SRR: variants seen among roughly 807,000 people sequenced by gnomAD.
SRR encodes serine racemase, also known as D-serine ammonia-lyase.
A neutral mutation model predicts 32.7 loss-of-function variants in SRR; 19 were observed. The ratio of observed to expected loss-of-function variants is 0.58; its 90% confidence interval spans 0.40 to 0.85. The LOEUF is 0.85. SRR is among the 40% of genes least tolerant of loss of function. SRR has a pLI of 0.00. For synonymous variants in SRR, 142 were observed against 140.9 expected, an observed-to-expected ratio of 1.01 and a Z score of -0.06; for missense variants, 373 against 404.7, an observed-to-expected ratio of 0.92 and a Z score of 0.67.
chr17:2,304,760 C>CAA (rs986410655), intron 1 of SRR, among the ~76,000 whole-genome samples: 10 of 120,634 alleles, frequency 8.3e-5, no homozygotes, highest in East Asian at 7.0e-4. Context: ...GACTCCGCCT[C>CAA]AAAAAAAAAA....
At chr17:2,308,297 G>A (rs2075408112) in intron 1 of SRR, among the ~76,000 whole-genome samples, 1 of 152,016 alleles carries the variant, frequency 6.6e-6, no homozygotes, top group Non-Finnish European at 1.5e-5. Flanking sequence ...AAATGGCAGA[G>A]TAAACAATCA....
At chr17:2,316,454 T>C (rs950916389) in intron 2 of SRR, among the ~76,000 whole-genome samples, 1 of 152,162 alleles carries the variant, frequency 6.6e-6, no homozygotes, top group African/African-American at 2.4e-5. Context: ...TGCAGGCAAA[T>C]TGGAAAGTGT....
Position 2,324,901 on chromosome 17 carries a change from T to G in SRR, c.*1028T>G. Reference sequence around the variant, plus strand: ...GTCTTCATTTATTGCCCAGTCCATTTAAAGACCCATGCAAGAGCCTGGTTT... The same window carrying G: ...GTCTTCATTTATTGCCCAGTCCATTGAAAGACCCATGCAAGAGCCTGGTTT... On this transcript the variant is annotated 3_prime_UTR_variant, in exon 8 of 8. Coordinates refer to ENST00000344595, the MANE Select transcript of SRR (RefSeq NM_021947.3). 6.6e-7 allele frequency: 1 copy of G among 1,518,084 alleles called. No homozygotes were observed. Among genetic ancestry groups the G allele is most frequent in the Non-Finnish European group, 8.8e-7 (1 of 1,138,228 alleles). The allele number at this position is 1,518,084 out of a possible 1,614,324, so 94.0% of individuals were successfully genotyped here.
chr17:2,312,103 G>A (rs879851286), intron 1 of SRR, among the ~76,000 whole-genome samples: 7 of 151,454 alleles, frequency 4.6e-5, no homozygotes, highest in Non-Finnish European at 1.0e-4. Context: ...ATAGTCCCAG[G>A]TACTTGGGAG....
rs35343613 is a variant in SRR, at chr17:2,324,361, G to T, written c.*488G>T. On this transcript the variant is annotated 3_prime_UTR_variant, in exon 8 of 8. Transcript: ENST00000344595. ...GCTTCCCATCAAAGCTGCATTTCAT[G>T]TGGCCATGGGTACCTAGAAAGACAT... The T allele has an allele frequency of 0.036, 56,226 of 1,564,034 alleles. 1,210 individuals are homozygous for T. Among genetic ancestry groups the T allele is most frequent in the Non-Finnish European group, 0.043 (49,512 of 1,158,494 alleles).
chr17:2,308,025 G>A (rs377691941), intron 1 of SRR, among the ~76,000 whole-genome samples: 2 of 145,112 alleles, frequency 1.4e-5, no homozygotes, highest in South Asian at 2.2e-4. Flanking sequence ...TAGTCTGATC[G>A]TGACACTGAA....
At chr17:2,303,941 G>C, upstream of SRR, 1 of 391,804 alleles carries the variant, frequency 2.6e-6, no homozygotes, top group Non-Finnish European at 4.6e-6. Flanking sequence ...GGGCGGGCGG[G>C]CGCTGCGCGT....
At position 2,323,924 on chromosome 17, in the gene SRR, ATT is replaced by A; in HGVS notation, c.*54_*55del. On this transcript the variant is annotated 3_prime_UTR_variant, in exon 8 of 8. Transcript: ENST00000344595. ...TTCAGTGTCTTTAGATACTGAAGAC[ATT>A]TTGTTTCCTAGTATTGTCAACTCTT... The A allele has an allele frequency of 6.6e-7, 1 of 1,516,176 alleles. No individual in the cohort carries two copies. The highest frequency in any genetic ancestry group is 9.1e-7 in the Non-Finnish European group (1 of 1,099,108). 93.9% of individuals were successfully genotyped at this position (1,516,176 alleles called of 1,614,324 possible).
At chr17:2,323,099 G>T in intron 6 of SRR, 37 bp from the exon 7 acceptor site, 1 of 1,603,736 alleles carries the variant, frequency 6.2e-7, no homozygotes, top group South Asian at 1.1e-5. Context: ...CAATGTTGTG[G>T]TTTGTTGTTA....
chr17:2,303,652 G>T, upstream of SRR: 1 of 1,489,752 alleles, frequency 6.7e-7, no homozygotes, highest in Non-Finnish European at 8.9e-7. Context: ...CGGCCTGCGG[G>T]GCCAGAGTAG....
intron 2 of SRR, among the ~76,000 whole-genome samples, chr17:2,316,174 T>C (rs2075471377): frequency 6.6e-6 from 1 of 152,130 alleles, no homozygotes; most frequent in Admixed American, 6.6e-5. Context: ...CAGTATTCAG[T>C]ACAGTAACAT....
chr17:2,321,708 C>A, intron 6 of SRR, 92 bp downstream of exon 6: 1 of 1,135,786 alleles, frequency 8.8e-7, no homozygotes, highest in Non-Finnish European at 1.3e-6. Context: ...ATTCTGCACA[C>A]ATTACCATTC....
At chr17:2,309,142 T>C (rs2075415979) in intron 1 of SRR, among the ~76,000 whole-genome samples, 1 of 152,038 alleles carries the variant, frequency 6.6e-6, no homozygotes, top group Non-Finnish European at 1.5e-5. Context: ...TAATAATAAT[T>C]TGTAGAGGCA....
intron 1 of SRR, chr17:2,309,738 A>G (rs926301416): frequency 5.3e-5 from 8 of 152,256 alleles, no homozygotes; most frequent in Non-Finnish European, 1.2e-4. Flanking sequence ...TTTCATGTTT[A>G]TGTAAATACT....
intron 6 of SRR, among the ~76,000 whole-genome samples, chr17:2,321,952 G>C (rs2075532863): frequency 6.6e-6 from 1 of 151,972 alleles, no homozygotes; most frequent in Non-Finnish European, 1.5e-5. Context: ...TAATTTTTTT[G>C]TATTTTTTTT....
intron 4 of SRR, 111 bp from the exon 5 acceptor site, chr17:2,321,195 G>A (rs934237207): frequency 1.5e-5 from 20 of 1,320,378 alleles, no homozygotes; most frequent in Non-Finnish European, 2.0e-5. Flanking sequence ...TCTAGTACCT[G>A]AACAAAGTGT....
chr17:2,318,136 G>GT (rs869067546), intron 3 of SRR, 140 bp downstream of exon 3: 35,786 of 879,336 alleles, frequency 0.041, 2 homozygotes, highest in East Asian at 0.044. Flanking sequence ...ATGAACATAA[G>GT]TTTTTTTTTT....
At chr17:2,315,048 C>A (rs2075461776) in intron 1 of SRR, among the ~76,000 whole-genome samples, 1 of 151,632 alleles carries the variant, frequency 6.6e-6, no homozygotes, top group South Asian at 2.1e-4. Flanking sequence ...TCAAGACCAG[C>A]CTGGACAACA....
At chr17:2,311,247 T>G (rs1260974401) in intron 1 of SRR, among the ~76,000 whole-genome samples, 1 of 152,046 alleles carries the variant, frequency 6.6e-6, no homozygotes, top group Admixed American at 6.6e-5. Flanking sequence ...GCTCTTGCAG[T>G]GGTACAATAA....
Sources: gnomAD v4.1 joint callset for allele counts (sites outside exome capture counted in the v4.1 genomes callset) on GRCh38, gnomAD v4.1.1 for gene constraint, MANE v1.5 for transcripts, NCBI Gene and HGNC (gene_info 2026-07-23, HGNC 2026-07-21) for gene names.